The following DLGAP2 variants were observed in gnomAD, a reference collection of about 807,000 sequenced individuals.
The protein encoded by DLGAP2 is DLG associated protein 2.
Under a neutral mutation model 100.3 loss-of-function variants are expected in DLGAP2, and 26 were observed. The ratio of observed to expected loss-of-function variants is 0.26; its 90% confidence interval spans 0.19 to 0.36. DLGAP2 has a LOEUF of 0.36. Among genes scored for constraint, DLGAP2 ranks in the 10% least tolerant of loss-of-function variants. The pLI is 1.00. For missense variants in DLGAP2, 1,858 were observed against 1,453.2 expected (o/e 1.28, Z -4.53); for synonymous variants, 886 against 630.1 (o/e 1.41, Z -6.08).
chr8:985,173 C>G (rs1264796380), intron 2 of DLGAP2, among the ~76,000 whole-genome samples: 1 of 152,176 alleles, frequency 6.6e-6, no homozygotes, highest in Non-Finnish European at 1.5e-5. Context: ...GTGCAGGTTA[C>G]AGCCTGATCC....
intron 2 of DLGAP2, among the ~76,000 whole-genome samples, chr8:1,176,866 A>T (rs1797270378): frequency 6.6e-6 from 1 of 152,120 alleles, no homozygotes; most frequent in African/African-American, 2.4e-5. Flanking sequence ...GGAGTAGCAG[A>T]GAGAGCCAAG....
chr8:1,438,679 G>A (rs966492142), intron 3 of DLGAP2, among the ~76,000 whole-genome samples: 1 of 152,160 alleles, frequency 6.6e-6, no homozygotes, highest in East Asian at 1.9e-4. Context: ...CCAAGGGCAG[G>A]ATTTGATCTA....
chr8:993,745 C>G (rs184768009), intron 2 of DLGAP2, among the ~76,000 whole-genome samples: 28 of 145,190 alleles, frequency 1.9e-4, no homozygotes, highest in Admixed American at 6.2e-4. Flanking sequence ...GAGCAGTTCT[C>G]TAGATGCAGA....
chr8:1,478,980 C>G (rs1414642052), intron 3 of DLGAP2, among the ~76,000 whole-genome samples: 1 of 152,204 alleles, frequency 6.6e-6, no homozygotes, highest in Admixed American at 6.5e-5. Flanking sequence ...CAGAAAATAA[C>G]CTCTGGGAAC....
intron 1 of DLGAP2, among the ~76,000 whole-genome samples, chr8:906,916 T>C (rs533123365): frequency 3.3e-5 from 5 of 152,298 alleles, no homozygotes; most frequent in African/African-American, 1.2e-4. Context: ...TTGATTATAT[T>C]TGGGAGAGAA....
In DLGAP2 at chr8:1,557,532, G is replaced by A. The variant is rs776511008; in HGVS notation, c.1230+7849G>A. Among the ~76,000 whole-genome samples the A allele has an allele frequency of 4.6e-5, 7 of 152,106 alleles. 1 individual carries two copies. The highest frequency in any genetic ancestry group is 2.1e-4 in the South Asian group (1 of 4,824). ...GTGCTGTGTGAACTCAGGGGTCTCC[G>A]CACCGAGGCAAGGAGTGGCCGTCCT... On this transcript the variant is annotated intron_variant, in intron 5 of 14. Transcript: ENST00000637795.
At chr8:1,307,710 C>T (rs900496832) in intron 3 of DLGAP2, among the ~76,000 whole-genome samples, 2 of 152,296 alleles carry the variant, frequency 1.3e-5, no homozygotes, top group East Asian at 3.9e-4. Context: ...GATGCTGACA[C>T]ATGGCACAAT....
chr8:1,474,251 G>A (rs1350850199), intron 3 of DLGAP2, among the ~76,000 whole-genome samples: 1 of 152,150 alleles, frequency 6.6e-6, no homozygotes, highest in Non-Finnish European at 1.5e-5. Flanking sequence ...CATGGTATAT[G>A]TATACCACAG....
intron 2 of DLGAP2, among the ~76,000 whole-genome samples, chr8:1,205,890 T>C (rs1797979155): frequency 1.3e-5 from 2 of 152,164 alleles, no homozygotes; most frequent in Non-Finnish European, 1.5e-5. Context: ...CAGTGGCACC[T>C]GTCTGTGATC....
chr8:833,521 G>C (rs940829446), intron 1 of DLGAP2, among the ~76,000 whole-genome samples: 7 of 152,138 alleles, frequency 4.6e-5, no homozygotes, highest in Non-Finnish European at 1.0e-4. Context: ...GGTGGGGTGG[G>C]GGTGTCTCTG....
At chr8:1,676,718 T>C in intron 11 of DLGAP2, 100 bp downstream of exon 11, 1 of 1,201,334 alleles carries the variant, frequency 8.3e-7, no homozygotes, top group Non-Finnish European at 1.2e-6. Context: ...CAATCATGCC[T>C]GTCCTTGTGG....
At chr8:1,539,404 A>G (rs1801274841) in intron 4 of DLGAP2, among the ~76,000 whole-genome samples, 1 of 152,142 alleles carries the variant, frequency 6.6e-6, no homozygotes, top group South Asian at 2.1e-4. Context: ...ACACCATTAC[A>G]ACACTGGCGA....
At chr8:919,799 G>C (rs371043221) in intron 2 of DLGAP2, among the ~76,000 whole-genome samples, 11 of 152,372 alleles carry the variant, frequency 7.2e-5, no homozygotes, top group East Asian at 5.8e-4. Flanking sequence ...CCATGTGGCT[G>C]TGCTCTCTGT....
chr8:924,227 G>A (rs779552589), intron 2 of DLGAP2, among the ~76,000 whole-genome samples: 3 of 152,186 alleles, frequency 2.0e-5, no homozygotes, highest in Admixed American at 6.5e-5. Flanking sequence ...AGGAGGTGAC[G>A]TTAATTCAGT....
intron 13 of DLGAP2, among the ~76,000 whole-genome samples, chr8:1,696,670 G>C (rs1049958267): frequency 1.3e-5 from 2 of 152,258 alleles, no homozygotes; most frequent in East Asian, 3.9e-4. Context: ...GTTCCTTGGC[G>C]CATTACATTT....
chr8:1,232,576 G>A (rs370357821), intron 2 of DLGAP2, among the ~76,000 whole-genome samples: 4 of 152,246 alleles, frequency 2.6e-5, no homozygotes, highest in Non-Finnish European at 4.4e-5. Context: ...GTTTGGGAAC[G>A]ACTTATCCTT....
intron 3 of DLGAP2, among the ~76,000 whole-genome samples, chr8:1,493,509 C>T (rs931783852): frequency 1.3e-5 from 2 of 152,196 alleles, no homozygotes; most frequent in Non-Finnish European, 2.9e-5. Flanking sequence ...GTTAGAGGGA[C>T]GGACCCCAGG....
At chr8:1,476,212 T>C (rs1584939697) in intron 3 of DLGAP2, among the ~76,000 whole-genome samples, 2 of 152,220 alleles carry the variant, frequency 1.3e-5, no homozygotes, top group South Asian at 4.1e-4. Context: ...CTCGTCCTGG[T>C]ACATCTCTTA....
chr8:1,390,464 A>G (rs1380448707), intron 3 of DLGAP2, among the ~76,000 whole-genome samples: 1 of 152,212 alleles, frequency 6.6e-6, no homozygotes, highest in East Asian at 1.9e-4. Flanking sequence ...GGTTAGTTCC[A>G]GGCCCACCTA....
Sources: allele counts gnomAD v4.1 joint callset (sites outside exome capture counted in the v4.1 genomes callset), GRCh38; gene constraint gnomAD v4.1.1; transcripts MANE v1.5; gene names NCBI Gene and HGNC (gene_info 2026-07-23, HGNC 2026-07-21).